SNX13: variants seen among roughly 807,000 people sequenced by gnomAD.
SNX13 encodes sorting nexin-13.
In SNX13, 45 loss-of-function variants were observed where a neutral mutation model predicts 133.6. The ratio of observed to expected loss-of-function variants is 0.34; its 90% CI spans 0.27 to 0.43. The LOEUF is 0.43. Among genes scored for constraint, SNX13 ranks in the 20% least tolerant of loss-of-function variants. SNX13 has a pLI of 1.00. For synonymous variants in SNX13, 414 were observed against 373.9 expected, an observed-to-expected ratio of 1.11 and a Z score of -1.24; for missense variants, 1,032 against 1,145.1, an observed-to-expected ratio of 0.90 and a Z score of 1.43.
intron 16 of SNX13, among the ~76,000 whole-genome samples, chr7:17,828,914 A>G (rs1255754326): frequency 1.3e-5 from 2 of 151,644 alleles, no homozygotes; most frequent in Admixed American, 6.6e-5. Context: ...ACTTTTCTAT[A>G]TAATGAACAT....
At chr7:17,812,698 A>C (rs529159203) in intron 20 of SNX13, among the ~76,000 whole-genome samples, 1 of 152,220 alleles carries the variant, frequency 6.6e-6, no homozygotes. Context: ...ATGCACACGT[A>C]TGTTTATTGC....
At chr7:17,901,291 A>G (rs1212218507) in intron 1 of SNX13, among the ~76,000 whole-genome samples, 1 of 152,104 alleles carries the variant, frequency 6.6e-6, no homozygotes, top group Non-Finnish European at 1.5e-5. Flanking sequence ...GGTGGGAGGA[A>G]GGGTGGTGCA....
chr7:17,791,763 T>G lies in SNX13; in HGVS notation c.*2282A>C, dbSNP rs1783564662. The G allele has an allele frequency of 6.6e-6, 1 of 152,046 alleles. No homozygotes were observed. Among genetic ancestry groups the G allele is most frequent in the Non-Finnish European group, 1.5e-5 (1 of 67,940 alleles). The allele number at this position is 152,046 out of a possible 1,614,324, so 9.4% of individuals were successfully genotyped here. On this transcript the variant is annotated 3_prime_UTR_variant, in exon 26 of 26. Transcript: ENST00000428135. ...ACTGTACTTGACTTATGGTTAAATA[T>G]TTTACACACAGCTTGACCAAGTCAT...
intron 1 of SNX13, among the ~76,000 whole-genome samples, chr7:17,923,835 GGTT>G (rs1255177246): frequency 3.9e-5 from 6 of 152,070 alleles, no homozygotes; most frequent in African/African-American, 1.4e-4. Flanking sequence ...AAAGTACACT[GGTT>G]GTTGTTAATT....
chr7:17,831,735 C>T (rs1459039990), intron 15 of SNX13: 9 of 983,566 alleles, frequency 9.2e-6, no homozygotes, highest in Non-Finnish European at 1.1e-5. Flanking sequence ...CTAAAAAATG[C>T]ATGTAGTGCT....
chr7:17,938,566 T>C (rs545755586), intron 1 of SNX13, among the ~76,000 whole-genome samples: 4 of 152,338 alleles, frequency 2.6e-5, no homozygotes, highest in Admixed American at 1.3e-4. Context: ...TTATAAGTTG[T>C]GCAGTGTTCA....
chr7:17,890,442 A>G lies in SNX13; in HGVS notation c.361T>C (p.Tyr121His). Residue 121 changes from tyrosine to histidine, a missense_variant, in exon 5 of 26, where the codon TAT becomes CAT. Coordinates refer to ENST00000428135, the MANE Select transcript of SNX13 (RefSeq NM_015132.5). ...AAAGATTCATCATCGCTTAGTGTAT[A>G]ATACCAATACTGGACATAATCCCTC... ...SLRDYVQYWY[Y>H]TLSDDESFLL... is the part of the protein sequence containing the mutation. The G allele has an allele frequency of 6.2e-6, 10 of 1,607,244 alleles. No individual in the cohort carries two copies. The highest frequency in any genetic ancestry group is 2.2e-5 in the East Asian group (1 of 44,670).
intron 9 of SNX13, among the ~76,000 whole-genome samples, chr7:17,853,282 G>C (rs1266490737): frequency 2.6e-5 from 4 of 152,166 alleles, no homozygotes; most frequent in South Asian, 2.1e-4. Context: ...AGGTAAAGAA[G>C]TACAGGATGT....
chr7:17,803,036 T>C (rs1784807988), intron 21 of SNX13, among the ~76,000 whole-genome samples: 1 of 152,142 alleles, frequency 6.6e-6, no homozygotes, highest in African/African-American at 2.4e-5. Context: ...AAATAAGACT[T>C]TATGCTTCCT....
intron 8 of SNX13, among the ~76,000 whole-genome samples, chr7:17,872,146 G>A (rs1475683954): frequency 1.3e-5 from 2 of 152,292 alleles, no homozygotes; most frequent in Non-Finnish European, 2.9e-5. Context: ...CATTTGGAAA[G>A]GCGTTTAAAG....
chr7:17,921,785 G>T (rs1413383214), intron 1 of SNX13, among the ~76,000 whole-genome samples: 2 of 152,238 alleles, frequency 1.3e-5, no homozygotes, highest in African/African-American at 4.8e-5. Flanking sequence ...TAAGAGCATT[G>T]TTAGTTTGTG....
intron 9 of SNX13, among the ~76,000 whole-genome samples, chr7:17,851,176 G>A (rs528152566): frequency 1.5e-4 from 23 of 152,314 alleles, no homozygotes; most frequent in Non-Finnish European, 7.3e-5. Context: ...TGAAACTGTA[G>A]GAATAGGAAC....
intron 18 of SNX13, among the ~76,000 whole-genome samples, chr7:17,816,843 A>G (rs1786718502): frequency 6.6e-6 from 1 of 152,250 alleles, no homozygotes; most frequent in African/African-American, 2.4e-5. Flanking sequence ...AATGATGAAG[A>G]TGGATTTTGA....
intron 1 of SNX13, among the ~76,000 whole-genome samples, chr7:17,932,198 T>C (rs1801457375): frequency 6.6e-6 from 1 of 152,192 alleles, no homozygotes; most frequent in South Asian, 2.1e-4. Context: ...TAATATCAAG[T>C]AGTAAGAGAT....
In SNX13 at chr7:17,840,220, A is replaced by AT. The variant is rs562080320; in HGVS notation, c.1166-221dup. ...CAAAAGTGAAGTCGTGTATTTCAGA[A>AT]TTTTTTCAATCCCACTTTTCATAAT... On this transcript the variant is annotated intron_variant, in intron 12 of 25. Transcript: ENST00000428135. Among the ~76,000 whole-genome samples the AT allele has an allele frequency of 9.1e-4, 139 of 152,136 alleles. 1 individual carries two copies. The East Asian group carries it at 0.019, about 21-fold the overall frequency.
chr7:17,816,195 T>C lies in SNX13; in HGVS notation c.1940A>G (p.Asn647Ser), dbSNP rs1209898124. ...DFLEKRKKDL[N>S]AYLQLLLAPE... ...ACATGAGCTTACCTGCAAATATGCATTTAGATCCTTTTTTCTCTTTTCTAA... is the reference window on the plus strand; with the variant it reads ...ACATGAGCTTACCTGCAAATATGCACTTAGATCCTTTTTTCTCTTTTCTAA... Residue 647 changes from asparagine to serine, a missense_variant, in exon 19 of 26, where the codon AAT becomes AGT. Transcript: ENST00000428135. 2 of 1,536,528 alleles carry C rather than the reference T, an allele frequency of 1.3e-6. No individual in the cohort carries two copies. The highest frequency in any genetic ancestry group is 2.1e-5 in the Admixed American group (1 of 48,150).
At chr7:17,812,477 T>G (rs1314078553) in intron 20 of SNX13, among the ~76,000 whole-genome samples, 1 of 152,138 alleles carries the variant, frequency 6.6e-6, no homozygotes, top group Non-Finnish European at 1.5e-5. Flanking sequence ...ATGGCAATCA[T>G]TAAAAAGTCA....
intron 20 of SNX13, among the ~76,000 whole-genome samples, chr7:17,805,250 T>TGTGTGTGCAC: frequency 1.0e-5 from 1 of 95,560 alleles, no homozygotes; most frequent in African/African-American, 3.1e-5. Context: ...TGTGTGTGTG[T>TGTGTGTGCAC]GCGTGCGCGC....
intron 1 of SNX13, among the ~76,000 whole-genome samples, chr7:17,936,748 G>A (rs1359093227): frequency 3.3e-5 from 5 of 150,942 alleles, no homozygotes; most frequent in African/African-American, 1.2e-4. Flanking sequence ...TGAAAACTCG[G>A]ATTAATTAAA....
Sources: allele counts gnomAD v4.1 joint callset (sites outside exome capture counted in the v4.1 genomes callset), GRCh38; gene constraint gnomAD v4.1.1; transcripts MANE v1.5; gene names NCBI Gene and HGNC (gene_info 2026-07-23, HGNC 2026-07-21).